Variants in MMP26 observed in about 807,000 individuals in gnomAD.
The protein encoded by MMP26 is matrix metallopeptidase 26.
In MMP26, 33 loss-of-function variants were observed where a neutral mutation model predicts 31.0. The observed-to-expected ratio is 1.06, with a 90% CI of 0.81 to 1.42. The LOEUF (loss-of-function observed/expected upper bound fraction) is 1.42, where lower values mean the gene tolerates loss of function less well. Ranked by LOEUF, MMP26 falls within the 40% of genes most tolerant of loss-of-function variation. The probability of loss-of-function intolerance (pLI) is 0.00; values close to 1 mark genes in which losing one functional copy is unlikely to be tolerated. For missense variants in MMP26, 347 were observed against 316.1 expected (o/e 1.10, Z -0.74); for synonymous variants, 122 against 114.9 (o/e 1.06, Z -0.40).
At chr11:4,715,519 T>C (rs1847918479) in intron 1 of MMP26, among the ~76,000 whole-genome samples, 1 of 152,196 alleles carries the variant, frequency 6.6e-6, no homozygotes, top group Admixed American at 6.5e-5. Flanking sequence ...GAGAACTACA[T>C]GAATTAAGCA....
rs1846932338 is a variant in MMP26 at position 4,988,100 on chromosome 11, G to C, written c.-112G>C. 1 of 960,998 alleles carries C rather than the reference G, an allele frequency of 1.0e-6. No homozygotes were observed. The highest frequency in any genetic ancestry group is 1.7e-6 in the Non-Finnish European group (1 of 590,560). The allele number at this position is 960,998 out of a possible 1,614,324, so 59.5% of individuals were successfully genotyped here. On this transcript the variant is annotated 5_prime_UTR_variant, in exon 3 of 8. Transcript: ENST00000380390. ...TGATGACGCCACTCACAGATTCAAA[G>C]AAAGGGCAAACTGGCAGAGTGAGTC...
chr11:4,919,727 A>C (rs1258173657), intron 2 of MMP26, among the ~76,000 whole-genome samples: 1 of 152,192 alleles, frequency 6.6e-6, no homozygotes, highest in East Asian at 1.9e-4. Flanking sequence ...AGTGAATTTA[A>C]AAAGGGATTT....
chr11:4,818,707 T>C (rs1849453416), intron 2 of MMP26, among the ~76,000 whole-genome samples: 1 of 152,208 alleles, frequency 6.6e-6, no homozygotes, highest in South Asian at 2.1e-4. Flanking sequence ...TCACAGTTTC[T>C]GCTATGTGGT....
At chr11:4,806,070 T>G (rs980216282) in intron 2 of MMP26, among the ~76,000 whole-genome samples, 2 of 152,216 alleles carry the variant, frequency 1.3e-5, no homozygotes, top group East Asian at 1.9e-4. Flanking sequence ...AAAGAATTTC[T>G]TCAAGATCCC....
At chr11:4,748,230 C>T (rs1354535425) in intron 1 of MMP26, among the ~76,000 whole-genome samples, 2 of 151,936 alleles carry the variant, frequency 1.3e-5, no homozygotes, top group African/African-American at 4.8e-5. Flanking sequence ...ATATAACCTC[C>T]AAAGACTGAA....
chr11:4,876,757 T>C lies in MMP26; in HGVS notation c.-145+109416T>C, dbSNP rs961397898. 2.0e-5 allele frequency: 3 copies of C among 152,546 alleles called. No homozygotes were observed. In the East Asian group the frequency reaches 5.8e-4, roughly 30 times the overall value. 9.4% of individuals were successfully genotyped at this position (152,546 alleles called of 1,614,324 possible). On this transcript the variant is annotated intron_variant, in intron 2 of 7. Transcript: ENST00000380390. The stretch of plus-strand genomic sequence containing the variant: ...ATGAGCCCATGTATTTTTCTAGCCA[T>C]GTTAGCTGCCACTGACCTCAGCCTT...
intron 2 of MMP26, among the ~76,000 whole-genome samples, chr11:4,971,733 G>C (rs1219788325): frequency 6.6e-6 from 1 of 152,148 alleles, no homozygotes; most frequent in Non-Finnish European, 1.5e-5. Flanking sequence ...CAGTTCTGCA[G>C]ACTGTACAAG....
At chr11:4,879,094 C>T (rs1428484314) in intron 2 of MMP26, among the ~76,000 whole-genome samples, 2 of 151,988 alleles carry the variant, frequency 1.3e-5, no homozygotes, top group East Asian at 1.9e-4. Flanking sequence ...ATTAGCCAGG[C>T]ATGGTGGCAG....
intron 2 of MMP26, among the ~76,000 whole-genome samples, chr11:4,839,775 C>T (rs775615396): frequency 2.7e-4 from 41 of 151,754 alleles, no homozygotes; most frequent in Admixed American, 8.5e-4. Context: ...GCTGTGCTGG[C>T]TATGGGGAGA....
chr11:4,842,192 G>A (rs35787159), intron 2 of MMP26, among the ~76,000 whole-genome samples: 14,492 of 152,162 alleles, frequency 0.095, 887 homozygotes, highest in Middle Eastern at 0.19. Context: ...TTAAAATGCA[G>A]CAGAAACAAA....
At chr11:4,855,831 C>T (rs112863380) in intron 2 of MMP26, among the ~76,000 whole-genome samples, 7 of 152,192 alleles carry the variant, frequency 4.6e-5, no homozygotes, top group South Asian at 2.1e-4. Context: ...AGAAAGGTCG[C>T]GTTACCCACA....
intron 2 of MMP26, among the ~76,000 whole-genome samples, chr11:4,911,611 A>G (rs1033116595): frequency 6.6e-6 from 1 of 152,150 alleles, no homozygotes; most frequent in African/African-American, 2.4e-5. Context: ...CAGGACTGCT[A>G]TACTTGTTCT....
At chr11:4,739,557 A>G (rs983985620) in intron 1 of MMP26, among the ~76,000 whole-genome samples, 2 of 152,176 alleles carry the variant, frequency 1.3e-5, no homozygotes, top group African/African-American at 4.8e-5. Context: ...GACATTCAGA[A>G]CTATGATGAC....
At chr11:4,709,811 C>T in intron 1 of MMP26, 1 of 457,480 alleles carries the variant, frequency 2.2e-6, no homozygotes, top group Non-Finnish European at 4.4e-6. Flanking sequence ...CTACATTGAC[C>T]ACCATGCTGG....
At chr11:4,785,359 T>C (rs1848926102) in intron 2 of MMP26, among the ~76,000 whole-genome samples, 1 of 152,228 alleles carries the variant, frequency 6.6e-6, no homozygotes, top group South Asian at 2.1e-4. Context: ...AATTCATATC[T>C]AGGTATAGAT....
At chr11:4,918,555 C>T (rs1055046667) in intron 2 of MMP26, among the ~76,000 whole-genome samples, 1 of 152,082 alleles carries the variant, frequency 6.6e-6, no homozygotes, top group Non-Finnish European at 1.5e-5. Context: ...GCCAGTTCGC[C>T]AGAGAGTTCT....
chr11:4,754,779 T>C (rs1238269286), intron 1 of MMP26, among the ~76,000 whole-genome samples: 6 of 152,044 alleles, frequency 3.9e-5, no homozygotes, highest in Admixed American at 2.0e-4. Context: ...TTCATTTTTC[T>C]ACTTTAAAGC....
At chr11:4,863,810 C>G (rs1431803719) in intron 2 of MMP26, among the ~76,000 whole-genome samples, 1 of 152,152 alleles carries the variant, frequency 6.6e-6, no homozygotes, top group Non-Finnish European at 1.5e-5. Context: ...CTATCCCTTC[C>G]TAATTTCCCT....
intron 2 of MMP26, among the ~76,000 whole-genome samples, chr11:4,831,656 G>A (rs1849647701): frequency 6.6e-6 from 1 of 152,098 alleles, no homozygotes; most frequent in Non-Finnish European, 1.5e-5. Context: ...TCACAGATGT[G>A]TACCAAGATT....
Sources: allele counts gnomAD v4.1 joint callset (sites outside exome capture counted in the v4.1 genomes callset), GRCh38; gene constraint gnomAD v4.1.1; transcripts MANE v1.5; gene names NCBI Gene and HGNC (gene_info 2026-07-23, HGNC 2026-07-21).